TLE4: variants seen among roughly 807,000 people sequenced by gnomAD.
TLE4 encodes the protein TLE family member 4, transcriptional corepressor.
In TLE4, 8 loss-of-function variants were observed where a neutral mutation model predicts 92.8. The observed-to-expected ratio is 0.09, with a 90% CI of 0.05 to 0.16. The LOEUF (loss-of-function observed/expected upper bound fraction) is 0.16. Ranked by LOEUF, TLE4 falls within the 10% of genes least tolerant of loss-of-function variation. The pLI is 1.00. For synonymous variants in TLE4, 371 were observed against 374.1 expected (o/e 0.99, Z 0.10); for missense variants, 675 against 997.6 (o/e 0.68, Z 4.36).
At chr9:79,669,084 T>C (rs896411757) in intron 8 of TLE4, among the ~76,000 whole-genome samples, 6 of 152,182 alleles carry the variant, frequency 3.9e-5, no homozygotes, top group African/African-American at 1.4e-4. Context: ...AACCAAAATA[T>C]AAAGTCTCCC....
intron 14 of TLE4, among the ~76,000 whole-genome samples, chr9:79,717,590 A>G (rs898516730): frequency 3.9e-5 from 6 of 152,198 alleles, no homozygotes; most frequent in Non-Finnish European, 8.8e-5. Context: ...GGACCATTCA[A>G]TAATGGACTG....
intron 4 of TLE4, among the ~76,000 whole-genome samples, chr9:79,602,117 G>A (rs535154824): frequency 1.3e-5 from 2 of 152,322 alleles, no homozygotes; most frequent in South Asian, 4.1e-4. Flanking sequence ...TGAGAAAGCT[G>A]CAGAAGAAAG....
intron 8 of TLE4, among the ~76,000 whole-genome samples, chr9:79,703,166 C>T (rs1261759589): frequency 6.6e-6 from 1 of 152,120 alleles, no homozygotes; most frequent in East Asian, 1.9e-4. Flanking sequence ...CAGACAGAGA[C>T]GTTCCAGTGG....
chr9:79,712,519 A>C (rs1350970549), intron 14 of TLE4, among the ~76,000 whole-genome samples: 1 of 152,238 alleles, frequency 6.6e-6, no homozygotes, highest in Non-Finnish European at 1.5e-5. Flanking sequence ...TCCACCATAC[A>C]TACCCACAAT....
Position 79,576,180 on chromosome 9 carries a change from A to G in TLE4, c.252+3A>G. 6.5e-7 allele frequency: 1 copy of G among 1,533,612 alleles called. No homozygotes were observed. The highest frequency in any genetic ancestry group is 8.8e-7 in the Non-Finnish European group (1 of 1,132,186). On this transcript the variant is annotated splice_donor_region_variant and intron_variant, in intron 4 of 19. Transcript: ENST00000376552. Reference sequence around the variant, plus strand: ...TGAATATAGAAATGCACAAGCAGGTAAGTTATTTCTTTATAACCATTTTAA... The same window carrying G: ...TGAATATAGAAATGCACAAGCAGGTGAGTTATTTCTTTATAACCATTTTAA...
intron 8 of TLE4, among the ~76,000 whole-genome samples, chr9:79,674,111 G>A (rs1317524360): frequency 6.6e-6 from 1 of 152,144 alleles, no homozygotes; most frequent in Non-Finnish European, 1.5e-5. Context: ...AATGTTTAAG[G>A]AAAACCACTA....
In TLE4 at chr9:79,677,154, G is replaced by T. The variant is rs1458589784; in HGVS notation, c.609+23079G>T. Reference sequence around the variant, plus strand: ...AGCAGCAATAATATCTATCTTATTGGGTTATTAAAAGATTAAATGAGACAG... The same window carrying T: ...AGCAGCAATAATATCTATCTTATTGTGTTATTAAAAGATTAAATGAGACAG... On this transcript the variant is annotated intron_variant, in intron 8 of 19. Transcript: ENST00000376552. Among the ~76,000 whole-genome samples the T allele has an allele frequency of 4.6e-5, 7 of 151,992 alleles. No homozygotes were observed. The East Asian group carries it at 1.3e-3, about 29-fold the overall frequency.
intron 8 of TLE4, among the ~76,000 whole-genome samples, chr9:79,703,280 C>T (rs547106853): frequency 1.1e-4 from 16 of 152,146 alleles, no homozygotes; most frequent in Non-Finnish European, 1.8e-4. Flanking sequence ...GTCATTCACA[C>T]TTGGGAGCCC....
At position 79,708,138 on chromosome 9, in the gene TLE4, C is replaced by A. The variant is rs199683638; in HGVS notation, c.957C>A (p.Pro319=). Reference sequence around the variant, plus strand: ...GTTAGAATGAAAAATCTACTACTCCCGTCTCAAAGTCCAATACCCCTACTC... The same window carrying A: ...GTTAGAATGAAAAATCTACTACTCCAGTCTCAAAGTCCAATACCCCTACTC... ...ELSLNEKSTT[P]VSKSNTPTPR... The change falls in exon 12 of 20, where the codon CCC becomes CCA. Residue 319 remains proline (P), a synonymous_variant. Coordinates refer to ENST00000376552, the MANE Select transcript of TLE4 (RefSeq NM_007005.6). 6.2e-7 allele frequency: 1 copy of A among 1,613,968 alleles called. No homozygotes were observed. The highest frequency in any genetic ancestry group is 8.5e-7 in the Non-Finnish European group (1 of 1,179,914).
rs530903975 is a variant in TLE4, at chr9:79,665,983, A to G, written c.609+11908A>G. Among the ~76,000 whole-genome samples the G allele has an allele frequency of 5.3e-5, 8 of 152,272 alleles. No homozygotes were observed. In the East Asian group the frequency reaches 9.7e-4, roughly 18 times the overall value. ...AGTAAAATTCTCAAATTTTATTTCT[A>G]TGTCTTGGACTGTTATTTGGTTTTT... is the stretch of plus-strand genomic sequence containing the variant. On this transcript the variant is annotated intron_variant, in intron 8 of 19. Coordinates refer to ENST00000376552, the MANE Select transcript of TLE4 (RefSeq NM_007005.6).
In TLE4 at chr9:79,705,899, G is replaced by C; in HGVS notation, c.740G>C (p.Gly247Ala). 3.1e-6 allele frequency: 5 copies of C among 1,614,194 alleles called. No individual in the cohort carries two copies. The highest frequency in any genetic ancestry group is 3.4e-6 in the Non-Finnish European group (4 of 1,180,042). ...CACTTGTCAATGCAGGACAGCGATG[G>C]TGAGAAAAGTGATGACAACTTGGTG... Reference protein sequence around the residue: ...KEIAARYDSDGEKSDDNLVVD... With the variant: ...KEIAARYDSDAEKSDDNLVVD... Residue 247 changes from glycine to alanine, a missense_variant, in exon 10 of 20, where the codon GGT (glycine) becomes GCT (alanine). Gly to Ala is a moderately conservative substitution (Grantham distance 60). Around this residue, in one of 5 missense-constraint regions of TLE4, gnomAD observed 280 missense variants for 287.3 expected, o/e 0.97. Coordinates refer to ENST00000376552, the MANE Select transcript of TLE4 (RefSeq NM_007005.6).
chr9:79,680,612 C>T (rs1248711159), intron 8 of TLE4, among the ~76,000 whole-genome samples: 1 of 152,124 alleles, frequency 6.6e-6, no homozygotes, highest in East Asian at 1.9e-4. Flanking sequence ...ATTGAAAACC[C>T]TTTATTTCCT....
intron 8 of TLE4, among the ~76,000 whole-genome samples, chr9:79,668,426 T>G (rs2061742950): frequency 1.3e-5 from 2 of 152,202 alleles, no homozygotes; most frequent in South Asian, 2.1e-4. Flanking sequence ...GTGGAAGGTG[T>G]ATTCGGTGTG....
chr9:79,692,678 C>T (rs2067326803), intron 8 of TLE4, among the ~76,000 whole-genome samples: 1 of 152,116 alleles, frequency 6.6e-6, no homozygotes, highest in African/African-American at 2.4e-5. Flanking sequence ...CTATTAGATG[C>T]TTGATGAGTG....
intron 1 of TLE4, chr9:79,573,410 C>A (rs748066068): frequency 2.3e-5 from 28 of 1,204,304 alleles, no homozygotes; most frequent in Non-Finnish European, 2.8e-5. Flanking sequence ...TCCCTGGGTG[C>A]CTGTCTTTGG....
chr9:79,616,513 T>C (rs1167020062), intron 5 of TLE4, among the ~76,000 whole-genome samples: 2 of 152,158 alleles, frequency 1.3e-5, no homozygotes, highest in Non-Finnish European at 2.9e-5. Flanking sequence ...TTTCTAATCA[T>C]TGCATTTGGG....
intron 8 of TLE4, among the ~76,000 whole-genome samples, chr9:79,695,245 T>C (rs1453817917): frequency 6.6e-6 from 1 of 152,168 alleles, no homozygotes; most frequent in Non-Finnish European, 1.5e-5. Flanking sequence ...CAGCTTTAAC[T>C]GTCTTTTCAA....
chr9:79,700,877 C>G (rs2135781448), intron 8 of TLE4, among the ~76,000 whole-genome samples: 1 of 152,198 alleles, frequency 6.6e-6, no homozygotes, highest in Non-Finnish European at 1.5e-5. Context: ...CACACTCAAA[C>G]TGTAGTGAGA....
chr9:79,677,608 A>ATTT (rs61013131), intron 8 of TLE4, among the ~76,000 whole-genome samples: 1 of 135,106 alleles, frequency 7.4e-6, no homozygotes, highest in Non-Finnish European at 1.6e-5. Flanking sequence ...TTGTTTCTTC[A>ATTT]TTTTTTTTTT....
Sources: gnomAD v4.1 joint callset for allele counts (sites outside exome capture counted in the v4.1 genomes callset) on GRCh38, gnomAD v4.1.1 for gene constraint, gnomAD v4.1.1 regional missense constraint, MANE v1.5 for transcripts, NCBI Gene and HGNC (gene_info 2026-07-23, HGNC 2026-07-21) for gene names.